Variants in TANGO6 observed in about 807,000 individuals in gnomAD.
The protein encoded by TANGO6 is transport and golgi organization 6 homolog.
Under a neutral mutation model 114.2 loss-of-function variants are expected in TANGO6, and 90 were observed. The ratio of observed to expected loss-of-function variants is 0.79; its 90% CI spans 0.66 to 0.94. TANGO6 has a LOEUF of 0.94. TANGO6 is among the 40% of genes least tolerant of loss of function. TANGO6 has a pLI of 0.00. For missense variants in TANGO6, 1,274 were observed against 1,315.3 expected (o/e 0.97, Z 0.49); for synonymous variants, 477 against 509.8 (o/e 0.94, Z 0.87).
At chr16:68,926,810 C>G (rs923243052) in intron 12 of TANGO6, 11 of 152,202 alleles carry the variant, frequency 7.2e-5, no homozygotes, top group Admixed American at 2.6e-4. Flanking sequence ...ATAATTTCTC[C>G]AGTGTTTTCA....
intron 16 of TANGO6, among the ~76,000 whole-genome samples, chr16:69,038,067 C>T (rs1474502202): frequency 1.9e-4 from 29 of 152,168 alleles, no homozygotes. Flanking sequence ...TGGCTATTTT[C>T]CTATCATAAT....
intron 15 of TANGO6, among the ~76,000 whole-genome samples, chr16:69,011,188 G>A (rs1052693823): frequency 1.3e-5 from 2 of 152,118 alleles, no homozygotes; most frequent in Non-Finnish European, 2.9e-5. Flanking sequence ...CTTCTTGGTA[G>A]AAAATGAAGA....
chr16:68,968,310 C>T (rs912380386), intron 14 of TANGO6, among the ~76,000 whole-genome samples: 15 of 151,864 alleles, frequency 9.9e-5, no homozygotes, highest in Non-Finnish European at 2.2e-4. Flanking sequence ...GTGATCCACC[C>T]ACCTCAGCTT....
chr16:68,951,297 TG>T (rs1207478525), intron 14 of TANGO6, among the ~76,000 whole-genome samples: 3 of 116,698 alleles, frequency 2.6e-5, no homozygotes, highest in African/African-American at 1.0e-4. Flanking sequence ...CACTCCAGCC[TG>T]GGTGACAGAG....
intron 15 of TANGO6, among the ~76,000 whole-genome samples, chr16:68,987,232 T>C (rs1963903765): frequency 6.6e-6 from 1 of 152,210 alleles, no homozygotes; most frequent in Admixed American, 6.5e-5. Context: ...TATTTTTATA[T>C]GTGTATATCT....
chr16:68,958,612 G>T (rs1963559122), intron 14 of TANGO6, among the ~76,000 whole-genome samples: 1 of 152,046 alleles, frequency 6.6e-6, no homozygotes, highest in South Asian at 2.1e-4. Context: ...TGCAGAAACA[G>T]ATTTTTAAGA....
chr16:68,900,470 A>T lies in TANGO6; in HGVS notation c.1414A>T (p.Met472Leu). ...TGGGAATGAACCTTTAACAGTTTTG[A>T]TGGATTCCCTGCTTCCAGTCCTGGG... ...VVGNEPLTVLMDSLLPVLGVL... is the reference protein window; with the variant it reads ...VVGNEPLTVLLDSLLPVLGVL... Residue 472 changes from methionine (M) to leucine (L), a missense_variant, in exon 8 of 18, where the codon ATG (methionine) becomes TTG (leucine). Around this residue, in one of 5 missense-constraint regions of TANGO6, gnomAD observed 908 missense variants for 910.2 expected, o/e 1.00. Coordinates refer to ENST00000261778, the MANE Select transcript of TANGO6 (RefSeq NM_024562.2). 1 of 1,613,928 alleles carries T rather than the reference A, an allele frequency of 6.2e-7. No homozygotes were observed. Among genetic ancestry groups the T allele is most frequent in the Non-Finnish European group, 8.5e-7 (1 of 1,179,874 alleles).
In TANGO6 at chr16:68,875,096, A is replaced by G. The variant is rs1962333565; in HGVS notation, c.995-58A>G. 10 of 1,529,596 alleles carry G rather than the reference A, an allele frequency of 6.5e-6. No individual in the cohort carries two copies. In the Admixed American group the frequency reaches 1.1e-4, roughly 17 times the overall value. The allele number at this position is 1,529,596 out of a possible 1,614,324, so 94.8% of individuals were successfully genotyped here. A position where few individuals can be genotyped will look rare whatever the true frequency, so the allele number is the denominator to read the frequency against. On this transcript the variant is annotated intron_variant, in intron 4 of 17. Transcript: ENST00000261778. ...TTAAATTTTAAGACAAATTTGTTAC[A>G]TGGGACCTTCTGTGGGGAATTGCTG...
intron 4 of TANGO6, among the ~76,000 whole-genome samples, chr16:68,870,307 T>C (rs780936163): frequency 7.2e-5 from 11 of 152,224 alleles, no homozygotes; most frequent in Non-Finnish European, 1.3e-4. Context: ...ACTTCATTTC[T>C]GGCATAATGT....
intron 16 of TANGO6, among the ~76,000 whole-genome samples, chr16:69,037,762 G>T (rs895207264): frequency 3.3e-5 from 5 of 152,180 alleles, no homozygotes; most frequent in African/African-American, 1.2e-4. Context: ...CAAAGGGTTG[G>T]ACTCCTCTGG....
chr16:68,858,852 A>T (rs1962042744), intron 1 of TANGO6, among the ~76,000 whole-genome samples: 1 of 152,238 alleles, frequency 6.6e-6, no homozygotes, highest in African/African-American at 2.4e-5. Context: ...GTTATATCCA[A>T]CAAATATTGA....
chr16:68,914,044 C>T (rs1020594688), intron 11 of TANGO6, among the ~76,000 whole-genome samples: 3 of 152,298 alleles, frequency 2.0e-5, no homozygotes, highest in South Asian at 4.2e-4. Flanking sequence ...ACCCCTTCCA[C>T]TCAGGTGTCA....
chr16:69,021,386 A>C (rs1959402365), intron 15 of TANGO6, among the ~76,000 whole-genome samples: 1 of 152,130 alleles, frequency 6.6e-6, no homozygotes. Flanking sequence ...TCACCTTCTC[A>C]ATGAAGCCTA....
chr16:69,033,415 TC>T (rs938910876), intron 16 of TANGO6, among the ~76,000 whole-genome samples: 3 of 152,084 alleles, frequency 2.0e-5, no homozygotes, highest in Non-Finnish European at 4.4e-5. Flanking sequence ...CCCAATCTCT[TC>T]CCTTAAGGAA....
intron 14 of TANGO6, among the ~76,000 whole-genome samples, chr16:68,972,484 A>G (rs191131468): frequency 2.6e-5 from 4 of 152,294 alleles, no homozygotes; most frequent in East Asian, 1.9e-4. Context: ...TCAAGCATTT[A>G]TATTACTTCT....
At chr16:68,927,174 G>C (rs149799514) in intron 12 of TANGO6, among the ~76,000 whole-genome samples, 1 of 152,126 alleles carries the variant, frequency 6.6e-6, no homozygotes, top group Non-Finnish European at 1.5e-5. Flanking sequence ...GGGAGACTGC[G>C]TAGGGTATTG....
At chr16:68,990,788 T>C (rs1963939800) in intron 15 of TANGO6, among the ~76,000 whole-genome samples, 1 of 152,190 alleles carries the variant, frequency 6.6e-6, no homozygotes, top group African/African-American at 2.4e-5. Flanking sequence ...AAAGGATACA[T>C]ATGCTGTGTT....
chr16:68,865,473 G>A (rs965757198), intron 3 of TANGO6, among the ~76,000 whole-genome samples: 3 of 152,116 alleles, frequency 2.0e-5, no homozygotes, highest in Non-Finnish European at 4.4e-5. Context: ...GAGCTGAGAG[G>A]TGTATGCCAA....
At chr16:68,946,567 G>A (rs1328183586) in intron 14 of TANGO6, among the ~76,000 whole-genome samples, 2 of 151,898 alleles carry the variant, frequency 1.3e-5, no homozygotes, top group African/African-American at 2.4e-5. Flanking sequence ...GGCTCACTGT[G>A]GCCTTGATAT....
Sources: gnomAD v4.1 joint callset for allele counts (sites outside exome capture counted in the v4.1 genomes callset) on GRCh38, gnomAD v4.1.1 for gene constraint, gnomAD v4.1.1 regional missense constraint, MANE v1.5 for transcripts, NCBI Gene and HGNC (gene_info 2026-07-23, HGNC 2026-07-21) for gene names.